Variants in DCDC1 observed in about 807,000 individuals in gnomAD.
The protein encoded by DCDC1 is doublecortin domain-containing protein 1.
Under a neutral mutation model 178.3 loss-of-function variants are expected in DCDC1, and 200 were observed. That is an observed-to-expected ratio of 1.12 (90% CI 1.00 to 1.26). The LOEUF is 1.26. Among genes scored for constraint, DCDC1 ranks in the 50% most tolerant of loss-of-function variants. DCDC1 has a pLI of 0.00. For synonymous variants in DCDC1, 690 were observed against 604.8 expected (o/e 1.14, Z -2.07); for missense variants, 1,983 against 1,749.2 (o/e 1.13, Z -2.38).
intron 9 of DCDC1, among the ~76,000 whole-genome samples, chr11:31,227,401 A>G (rs1975130182): frequency 6.6e-6 from 1 of 152,074 alleles, no homozygotes; most frequent in African/African-American, 2.4e-5. Flanking sequence ...CAACTGAGCA[A>G]GGGGATGGTG....
chr11:31,248,536 T>C, intron 8 of DCDC1, among the ~76,000 whole-genome samples: 1 of 152,062 alleles, frequency 6.6e-6, no homozygotes, highest in East Asian at 1.9e-4. Flanking sequence ...AGAACAAACA[T>C]ACCTAATTCA....
chr11:30,940,714 T>A (rs953900238), intron 21 of DCDC1, among the ~76,000 whole-genome samples: 3 of 152,186 alleles, frequency 2.0e-5, no homozygotes, highest in Non-Finnish European at 4.4e-5. Context: ...CTTTGATGAC[T>A]CTGGTTTATA....
At chr11:30,917,649 C>T (rs914060089) in intron 25 of DCDC1, among the ~76,000 whole-genome samples, 13 of 152,098 alleles carry the variant, frequency 8.5e-5, no homozygotes, top group Non-Finnish European at 7.4e-5. Flanking sequence ...GATCAGTAGC[C>T]GCCATATAGA....
chr11:30,950,954 A>T (rs1348248562), intron 21 of DCDC1, among the ~76,000 whole-genome samples: 1 of 152,170 alleles, frequency 6.6e-6, no homozygotes, highest in Admixed American at 6.5e-5. Context: ...ATATGCCTGT[A>T]TCAAAACATC....
chr11:30,903,716 C>G lies in DCDC1; in HGVS notation c.4309-33G>C, dbSNP rs796076907. ...ACACAGGCAGTAAGGATCTGACAGG[C>G]AAAGGTGATAGCATTGGGAATGATC... is the stretch of plus-strand genomic sequence containing the variant. On this transcript the variant is annotated intron_variant, in intron 31 of 38. Coordinates refer to ENST00000684477, the MANE Select transcript of DCDC1 (RefSeq NM_001387274.1). 5 of 1,514,872 alleles carry G rather than the reference C, an allele frequency of 3.3e-6. No individual in the cohort carries two copies. In the African/African-American group the frequency reaches 6.9e-5, roughly 21 times the overall value. The allele number at this position is 1,514,872 out of a possible 1,614,324, so 93.8% of individuals were successfully genotyped here.
chr11:31,050,206 CGG>C (rs1565221832), intron 20 of DCDC1, among the ~76,000 whole-genome samples: 2 of 152,166 alleles, frequency 1.3e-5, no homozygotes, highest in East Asian at 1.9e-4. Context: ...TGCATGGGAG[CGG>C]GGTGAGGCCT....
In DCDC1 at chr11:31,256,974, A is replaced by G. The variant is rs1326153929; in HGVS notation, c.1054+8533T>C. On this transcript the variant is annotated intron_variant, in intron 8 of 38. Coordinates refer to ENST00000684477, the MANE Select transcript of DCDC1 (RefSeq NM_001387274.1). ...TGTGTAGGCTGCTACTGCTTACTTAACCAAGCTGTGAACTTCACCTGAAAC... is the reference window on the plus strand; with the variant it reads ...TGTGTAGGCTGCTACTGCTTACTTAGCCAAGCTGTGAACTTCACCTGAAAC... Among the ~76,000 whole-genome samples the G allele has an allele frequency of 2.6e-5, 4 of 152,070 alleles. No homozygotes were observed. The East Asian group carries it at 7.7e-4, about 29-fold the overall frequency.
intron 9 of DCDC1, among the ~76,000 whole-genome samples, chr11:31,180,330 A>T (rs1403892501): frequency 6.6e-6 from 1 of 152,198 alleles, no homozygotes; most frequent in Non-Finnish European, 1.5e-5. Context: ...GTATGACATG[A>T]TGGATTTATT....
At chr11:31,049,580 C>T (rs1038393447) in intron 20 of DCDC1, among the ~76,000 whole-genome samples, 2 of 152,214 alleles carry the variant, frequency 1.3e-5, no homozygotes, top group East Asian at 1.9e-4. Flanking sequence ...AGCTCTAGAT[C>T]GACTGCATGA....
At chr11:31,186,097 C>A (rs148302607) in intron 9 of DCDC1, among the ~76,000 whole-genome samples, 1 of 152,158 alleles carries the variant, frequency 6.6e-6, no homozygotes, top group Non-Finnish European at 1.5e-5. Flanking sequence ...GCTCACTTAA[C>A]CCCTTTGTTT....
intron 3 of DCDC1, among the ~76,000 whole-genome samples, chr11:31,310,933 C>T (rs1321781967): frequency 6.6e-6 from 1 of 152,162 alleles, no homozygotes; most frequent in Non-Finnish European, 1.5e-5. Flanking sequence ...GTCAAGGATA[C>T]ACTAGTGACT....
At chr11:31,169,237 G>A (rs1345683901) in intron 9 of DCDC1, among the ~76,000 whole-genome samples, 4 of 152,146 alleles carry the variant, frequency 2.6e-5, no homozygotes, top group Non-Finnish European at 5.9e-5. Context: ...CTGTTGTGGG[G>A]TGGGGGACAA....
Position 31,265,905 on chromosome 11 carries a change from TATC to T in DCDC1, c.961-308_961-306del, listed in dbSNP as rs1454671061. 2.0e-5 allele frequency among the ~76,000 whole-genome samples: 3 copies of T among 148,692 alleles called. No individual in the cohort carries two copies. The East Asian group carries it at 5.8e-4, about 29-fold the overall frequency. ...TCTATTATTATCTATTATTTATTATTATCTATTATCTATTAAATATCTATTATT... is the reference window on the plus strand; with the variant it reads ...TCTATTATTATCTATTATTTATTATTTATTATCTATTAAATATCTATTATT... On this transcript the variant is annotated intron_variant, in intron 7 of 38. Transcript: ENST00000684477.
chr11:31,103,963 T>C (rs1195404335), intron 13 of DCDC1, among the ~76,000 whole-genome samples, 194 bp from the exon 14 acceptor site: 1 of 152,148 alleles, frequency 6.6e-6, no homozygotes, highest in Non-Finnish European at 1.5e-5. Context: ...ATTTAGCTGA[T>C]CTATAATATG....
chr11:31,221,075 G>T lies in DCDC1; in HGVS notation c.1221+20375C>A, dbSNP rs141542841. Among the ~76,000 whole-genome samples, 120 of 152,224 alleles carry T rather than the reference G, an allele frequency of 7.9e-4. 3 individuals are homozygous for T. The East Asian group carries it at 0.022, about 28-fold the overall frequency. On this transcript the variant is annotated intron_variant, in intron 9 of 38. Coordinates refer to ENST00000684477, the MANE Select transcript of DCDC1 (RefSeq NM_001387274.1). ...AGGGCTTCAATCAGAGAATCTAGGG[G>T]GAACACAAAGTCCATAATATTCCAT...
intron 20 of DCDC1, among the ~76,000 whole-genome samples, chr11:31,057,745 A>G (rs1004182539): frequency 3.3e-5 from 5 of 152,160 alleles, no homozygotes; most frequent in Admixed American, 6.6e-5. Flanking sequence ...AGACTTAAGC[A>G]TAGTGGGTCT....
chr11:30,951,364 C>A (rs1205145952), intron 21 of DCDC1, among the ~76,000 whole-genome samples: 2 of 152,114 alleles, frequency 1.3e-5, no homozygotes, highest in African/African-American at 4.8e-5. Flanking sequence ...AAATACCTTA[C>A]ATGAATAAGG....
At chr11:31,353,226 T>C (rs975862993) in intron 1 of DCDC1, among the ~76,000 whole-genome samples, 2 of 152,358 alleles carry the variant, frequency 1.3e-5, no homozygotes, top group Middle Eastern at 3.4e-3. Flanking sequence ...GCAACATAAA[T>C]GAGAACCTAA....
chr11:31,113,465 G>T (rs1487210835), intron 11 of DCDC1, among the ~76,000 whole-genome samples: 4 of 99,374 alleles, frequency 4.0e-5, no homozygotes, highest in African/African-American at 1.6e-4. Flanking sequence ...ACAGGCCCCA[G>T]TGTGTGCTGT....
Sources: gnomAD v4.1 joint callset for allele counts (sites outside exome capture counted in the v4.1 genomes callset) on GRCh38, gnomAD v4.1.1 for gene constraint, MANE v1.5 for transcripts, NCBI Gene and HGNC (gene_info 2026-07-23, HGNC 2026-07-21) for gene names.